PCDHA7: variants seen among roughly 807,000 people sequenced by gnomAD.
The protein encoded by PCDHA7 is protocadherin alpha-7.
A neutral mutation model predicts 57.2 loss-of-function variants in PCDHA7; 37 were observed. That is an observed-to-expected ratio of 0.65 (90% CI 0.50 to 0.85). PCDHA7 has a LOEUF of 0.85. Among genes scored for constraint, PCDHA7 ranks in the 40% least tolerant of loss-of-function variants. The probability of loss-of-function intolerance (pLI) is 0.00; values close to 1 mark genes in which losing one functional copy is unlikely to be tolerated. For missense variants in PCDHA7, 1,188 were observed against 1,241.8 expected, an observed-to-expected ratio of 0.96 and a Z score of 0.65; for synonymous variants, 553 against 558.8, an observed-to-expected ratio of 0.99 and a Z score of 0.15.
chr5:140,837,926 ACCT>A (rs1775320032), intron 1 of PCDHA7, among the ~76,000 whole-genome samples: 1 of 151,498 alleles, frequency 6.6e-6, no homozygotes. Flanking sequence ...CGATCCTCCT[ACCT>A]TGGCCTCCCA....
intron 1 of PCDHA7, among the ~76,000 whole-genome samples, chr5:140,890,615 C>A (rs1266338521): frequency 6.6e-6 from 1 of 152,026 alleles, no homozygotes; most frequent in Non-Finnish European, 1.5e-5. Context: ...AGTGCTTACC[C>A]TAGAAAATTA....
chr5:140,977,864 GGTAAGTATAAT>G (rs1175044090), intron 1 of PCDHA7, among the ~76,000 whole-genome samples: 1 of 152,140 alleles, frequency 6.6e-6, no homozygotes, highest in Non-Finnish European at 1.5e-5. Context: ...TACCAAATAT[GGTAAGTATAAT>G]GTAGAGGAAA....
chr5:140,867,480 G>T (rs1447452971), intron 1 of PCDHA7: 1 of 152,028 alleles, frequency 6.6e-6, no homozygotes, highest in African/African-American at 2.4e-5. Context: ...TGGGAAAAGA[G>T]TAAATATGAA....
intron 1 of PCDHA7, chr5:140,856,228 G>A: frequency 6.3e-7 from 1 of 1,598,094 alleles, no homozygotes; most frequent in Middle Eastern, 1.7e-4. Context: ...AGCTGGTGCA[G>A]CGCCTGTTCC....
At chr5:140,870,100 T>G in intron 1 of PCDHA7, 3 of 1,613,914 alleles carry the variant, frequency 1.9e-6, no homozygotes, top group Non-Finnish European at 2.5e-6. Context: ...GGCAGGTCAC[T>G]GTACAGTCTG....
chr5:140,877,702 G>T, intron 1 of PCDHA7: 2 of 1,613,996 alleles, frequency 1.2e-6, no homozygotes, highest in Admixed American at 3.3e-5. Context: ...GTGCTCCAGC[G>T]CCGTGGGGAG....
At chr5:141,006,741 A>G (rs1275777013) in intron 3 of PCDHA7, among the ~76,000 whole-genome samples, 2 of 152,208 alleles carry the variant, frequency 1.3e-5, no homozygotes, top group Non-Finnish European at 2.9e-5. Flanking sequence ...TTGATGATGT[A>G]TTATAAATGG....
chr5:140,852,875 C>A, intron 1 of PCDHA7: 1 of 937,156 alleles, frequency 1.1e-6, no homozygotes, highest in Non-Finnish European at 1.3e-6. Flanking sequence ...CATCAATAAT[C>A]ATAAAACGTA....
chr5:140,869,245 A>T (rs782617385), intron 1 of PCDHA7: 14 of 1,613,510 alleles, frequency 8.7e-6, no homozygotes, highest in Non-Finnish European at 1.2e-5. Flanking sequence ...CGTGGGCCGC[A>T]TCGCGCAGGA....
chr5:140,900,618 C>A (rs1382793608), intron 1 of PCDHA7, among the ~76,000 whole-genome samples: 1 of 152,180 alleles, frequency 6.6e-6, no homozygotes, highest in Non-Finnish European at 1.5e-5. Context: ...ATGTAGATTG[C>A]TTCCAAATCT....
intron 1 of PCDHA7, among the ~76,000 whole-genome samples, chr5:140,911,457 A>G (rs1225259689): frequency 6.6e-6 from 1 of 152,144 alleles, no homozygotes; most frequent in Non-Finnish European, 1.5e-5. Flanking sequence ...CTCTTTCTCT[A>G]CAGGAGATAA....
intron 1 of PCDHA7, among the ~76,000 whole-genome samples, chr5:140,909,417 G>A (rs1016868783): frequency 2.0e-5 from 3 of 152,156 alleles, no homozygotes; most frequent in Non-Finnish European, 1.5e-5. Flanking sequence ...TTACCATTTG[G>A]TTAAACTTAT....
chr5:140,890,635 C>G (rs1015207309), intron 1 of PCDHA7, among the ~76,000 whole-genome samples: 1 of 152,114 alleles, frequency 6.6e-6, no homozygotes, highest in Non-Finnish European at 1.5e-5. Flanking sequence ...AAGCATGTAT[C>G]CTTGATATAT....
At chr5:141,004,564 T>C (rs1205705593) in intron 3 of PCDHA7, among the ~76,000 whole-genome samples, 1 of 152,196 alleles carries the variant, frequency 6.6e-6, no homozygotes, top group Non-Finnish European at 1.5e-5. Flanking sequence ...AAGATGAACA[T>C]ATCTCTGTGT....
intron 1 of PCDHA7, among the ~76,000 whole-genome samples, chr5:140,915,115 A>T (rs2076990702): frequency 1.3e-5 from 2 of 151,346 alleles, no homozygotes; most frequent in African/African-American, 4.9e-5. Context: ...CACCCACCTA[A>T]TTTTTATATT....
chr5:140,927,894 C>T (rs372774238), intron 1 of PCDHA7: 2 of 1,614,208 alleles, frequency 1.2e-6, no homozygotes, highest in South Asian at 2.2e-5. Context: ...CTGACGTGAA[C>T]GATCATGCCC....
chr5:140,957,327 A>G (rs1554222920), intron 1 of PCDHA7, among the ~76,000 whole-genome samples: 1 of 152,182 alleles, frequency 6.6e-6, no homozygotes, highest in East Asian at 1.9e-4. Context: ...AGCACAGTAC[A>G]GTAAGATATT....
chr5:140,847,597 C>G (rs1439547927), intron 1 of PCDHA7: 1 of 149,348 alleles, frequency 6.7e-6, no homozygotes, highest in African/African-American at 2.5e-5. Context: ...GAAATTAAAA[C>G]ATATTGTAAT....
rs926604630 is a variant in PCDHA7 at position 140,857,768 on chromosome 5, G to C, written c.2355+21030G>C. ...GGCGTCTCCCGCTGGCAGCGCGGGC[G>C]GTGCAGTCAGTGAGCTGGTGCTGCG... On this transcript the variant is annotated intron_variant, in intron 1 of 3. Transcript: ENST00000525929. 6 of 1,597,542 alleles carry C rather than the reference G, an allele frequency of 3.8e-6. 2 individuals carry two copies. In the South Asian group the frequency reaches 5.5e-5, roughly 15 times the overall value.
Sources: allele counts gnomAD v4.1 joint callset (sites outside exome capture counted in the v4.1 genomes callset), GRCh38; gene constraint gnomAD v4.1.1; transcripts MANE v1.5; gene names NCBI Gene and HGNC (gene_info 2026-07-23, HGNC 2026-07-21).